Variants in TCF4 observed in about 807,000 individuals in gnomAD.
TCF4 encodes transcription factor 4, also known as SL3-3 enhancer factor 2.
TCF4 carries 3 observed loss-of-function variants against 82.1 expected under a neutral mutation model. The observed-to-expected ratio is 0.04, with a 90% CI of 0.02 to 0.09. TCF4 has a LOEUF of 0.09. TCF4 is among the 10% of genes least tolerant of loss of function. The pLI, the probability that TCF4 is intolerant of heterozygous loss-of-function variation, is 1.00. For synonymous variants in TCF4, 276 were observed against 309.6 expected, an observed-to-expected ratio of 0.89 and a Z score of 1.14; for missense variants, 518 against 852.7, an observed-to-expected ratio of 0.61 and a Z score of 4.89.
chr18:55,244,737 C>A (rs1158766608), intron 15 of TCF4, among the ~76,000 whole-genome samples: 1 of 152,190 alleles, frequency 6.6e-6, no homozygotes, highest in Admixed American at 6.5e-5. Context: ...CAAATACCAG[C>A]TGTTTCCCAT....
intron 6 of TCF4, chr18:55,401,977 A>G (rs1209977972): frequency 1.0e-6 from 1 of 953,146 alleles, no homozygotes; most frequent in African/African-American, 1.8e-5. Flanking sequence ...CTTCTGCAGG[A>G]ACTGAGAGCT....
chr18:55,581,450 T>A (rs1427047285), intron 3 of TCF4, among the ~76,000 whole-genome samples: 1 of 152,042 alleles, frequency 6.6e-6, no homozygotes, highest in African/African-American at 2.4e-5. Context: ...TCTTTTAACC[T>A]GTTAAATTAC....
chr18:55,306,283 C>T (rs930390758), intron 8 of TCF4, among the ~76,000 whole-genome samples: 1 of 151,994 alleles, frequency 6.6e-6, no homozygotes, highest in South Asian at 2.1e-4. Flanking sequence ...TTTGAATTGC[C>T]GCCTACAGAA....
At chr18:55,297,980 G>A (rs989944485) in intron 8 of TCF4, among the ~76,000 whole-genome samples, 2 of 152,172 alleles carry the variant, frequency 1.3e-5, no homozygotes, top group African/African-American at 4.8e-5. Context: ...CTTGAATGTA[G>A]TAATATTTTA....
At chr18:55,591,284 A>G (rs983538716), upstream of TCF4, 3 of 152,206 alleles carry the variant, frequency 2.0e-5, no homozygotes, top group East Asian at 1.9e-4. Flanking sequence ...ATCATCCCCA[A>G]TTCTCAGAGT....
chr18:55,585,232 A>G (rs1217679161), intron 3 of TCF4, 48 bp downstream of exon 3: 2 of 1,554,654 alleles, frequency 1.3e-6, no homozygotes, highest in South Asian at 2.2e-5. Flanking sequence ...TTGAGTAAAT[A>G]AACAGCCCAG....
Position 55,269,942 on chromosome 18 carries a change from C to A in TCF4, c.811G>T (p.Ala271Ser). The part of the protein sequence containing the change: ...ERLSYPSHSS[A>S]DINSSLPPMS... ...GGAGGAAGACTGGAATTGATGTCTG[C>A]TGAGGAGTGTGATGGATAGCTCTAT... is the stretch of plus-strand genomic sequence containing the variant. The change falls in exon 11 of 20, where the codon GCA (alanine) becomes TCA (serine). Residue 271 changes from alanine (A) to serine (S), a missense_variant. Transcript: ENST00000354452. 6.2e-7 allele frequency: 1 copy of A among 1,613,234 alleles called. No individual in the cohort carries two copies. The highest frequency in any genetic ancestry group is 8.5e-7 in the Non-Finnish European group (1 of 1,179,416).
chr18:55,472,650 C>T (rs2096209777), intron 3 of TCF4, among the ~76,000 whole-genome samples: 2 of 152,058 alleles, frequency 1.3e-5, no homozygotes, highest in Admixed American at 1.3e-4. Context: ...ACTTAAAAAT[C>T]AGTCTTAACT....
chr18:55,574,202 T>G (rs911076295), intron 3 of TCF4, among the ~76,000 whole-genome samples: 2 of 152,250 alleles, frequency 1.3e-5, no homozygotes, highest in African/African-American at 4.8e-5. Context: ...TATATTCACA[T>G]AGAACATGTA....
At chr18:55,512,775 A>C (rs1482347693) in intron 3 of TCF4, among the ~76,000 whole-genome samples, 1 of 152,182 alleles carries the variant, frequency 6.6e-6, no homozygotes, top group Non-Finnish European at 1.5e-5. Context: ...CATGTGTTTA[A>C]AAATTTTTCA....
At chr18:55,518,443 C>A (rs567776867) in intron 3 of TCF4, among the ~76,000 whole-genome samples, 1 of 152,062 alleles carries the variant, frequency 6.6e-6, no homozygotes, top group South Asian at 2.1e-4. Context: ...GTAGGAGAGA[C>A]TTAAGTAAAT....
chr18:55,502,902 A>C (rs1400376674), intron 3 of TCF4, among the ~76,000 whole-genome samples: 2 of 152,220 alleles, frequency 1.3e-5, no homozygotes, highest in African/African-American at 4.8e-5. Context: ...CGACGACTTA[A>C]AGTAGGTATC....
intron 3 of TCF4, among the ~76,000 whole-genome samples, chr18:55,481,129 A>T (rs533822555): frequency 0.048 from 6,689 of 138,678 alleles, 180 homozygotes; most frequent in African/African-American, 0.061. Flanking sequence ...AAAAAAAAAA[A>T]TCTGGGATGT....
chr18:55,281,982 A>G (rs1308241100), intron 8 of TCF4, among the ~76,000 whole-genome samples: 2 of 152,002 alleles, frequency 1.3e-5, no homozygotes, highest in Non-Finnish European at 2.9e-5. Context: ...GACTTTTTAG[A>G]TAACATGAAA....
chr18:55,400,811 T>C, intron 6 of TCF4: 1 of 460,014 alleles, frequency 2.2e-6, no homozygotes, highest in South Asian at 2.1e-5. Context: ...CAAAAGGCTA[T>C]TGAGACTGGA....
intron 2 of TCF4, among the ~76,000 whole-genome samples, chr18:55,614,016 C>G (rs1001532390): frequency 6.6e-6 from 1 of 152,130 alleles, no homozygotes; most frequent in Admixed American, 6.5e-5. Context: ...CTCAAGTAAT[C>G]CTCTGGTCTT....
intron 5 of TCF4, among the ~76,000 whole-genome samples, chr18:55,413,275 T>G (rs1262262561): frequency 6.6e-6 from 1 of 152,066 alleles, no homozygotes; most frequent in African/African-American, 2.4e-5. Flanking sequence ...AATGATCATT[T>G]CTCTAGCCTT....
rs187703131 is a variant in TCF4, at chr18:55,403,532, C to T, written c.305-14G>A. On this transcript the variant is annotated splice_polypyrimidine_tract_variant and intron_variant, in intron 5 of 19. Coordinates refer to ENST00000354452, the MANE Select transcript of TCF4 (RefSeq NM_001083962.2). ...TTTCTGTTTTACCTGCCAAGAGAAA[C>T]GACAAAAAAGTGTAAATTGTGTTTT... The T allele has an allele frequency of 3.1e-4, 494 of 1,613,644 alleles. 4 individuals are homozygous for T. Among genetic ancestry groups the T allele is most frequent in the African/African-American group, 2.9e-3 (221 of 74,946 alleles).
intron 3 of TCF4, among the ~76,000 whole-genome samples, chr18:55,478,913 CTG>C (rs1242520763): frequency 1.3e-5 from 2 of 151,438 alleles, no homozygotes; most frequent in African/African-American, 4.9e-5. Context: ...TGGGAAATCT[CTG>C]TATTATTTAG....
Sources: gnomAD v4.1 joint callset for allele counts (sites outside exome capture counted in the v4.1 genomes callset) on GRCh38, gnomAD v4.1.1 for gene constraint, MANE v1.5 for transcripts, NCBI Gene and HGNC (gene_info 2026-07-23, HGNC 2026-07-21) for gene names.